Variants in IQCK observed in about 807,000 individuals in gnomAD.
The protein encoded by IQCK is IQ motif containing K.
A neutral mutation model predicts 28.1 loss-of-function variants in IQCK; 29 were observed. The ratio of observed to expected loss-of-function variants is 1.03; its 90% CI spans 0.77 to 1.41. The LOEUF (loss-of-function observed/expected upper bound fraction) is 1.41. Among genes scored for constraint, IQCK ranks in the 40% most tolerant of loss-of-function variants. IQCK has a pLI of 0.00. For synonymous variants in IQCK, 113 were observed against 115.1 expected (o/e 0.98, Z 0.12); for missense variants, 359 against 314.7 (o/e 1.14, Z -1.07).
chr16:19,755,305 T>C, intron 4 of IQCK, among the ~76,000 whole-genome samples: 1 of 152,166 alleles, frequency 6.6e-6, no homozygotes, highest in Non-Finnish European at 1.5e-5. Flanking sequence ...GGAATATGGA[T>C]CAGGCCCTTG....
chr16:19,786,581 C>T (rs888512964), intron 6 of IQCK, among the ~76,000 whole-genome samples: 1 of 133,460 alleles, frequency 7.5e-6, no homozygotes, highest in Non-Finnish European at 1.5e-5. Flanking sequence ...CTCCTGTAGT[C>T]CCACTACTCA....
intron 6 of IQCK, among the ~76,000 whole-genome samples, chr16:19,785,062 C>T (rs1436155953): frequency 1.3e-5 from 2 of 152,184 alleles, no homozygotes; most frequent in African/African-American, 2.4e-5. Context: ...TGAGCCACGG[C>T]GCCCCGCCTC....
chr16:19,812,805 T>C (rs1265631918), intron 7 of IQCK, among the ~76,000 whole-genome samples: 1 of 152,160 alleles, frequency 6.6e-6, no homozygotes, highest in East Asian at 1.9e-4. Context: ...TATATAAATC[T>C]TGCTGAAAGA....
intron 4 of IQCK, among the ~76,000 whole-genome samples, chr16:19,749,991 A>G (rs564251856): frequency 1.3e-5 from 2 of 152,290 alleles, no homozygotes; most frequent in South Asian, 4.1e-4. Flanking sequence ...ATAGGGCCTC[A>G]TTCCACCTCT....
intron 1 of IQCK, among the ~76,000 whole-genome samples, chr16:19,729,586 T>G (rs140751148): frequency 6.6e-6 from 1 of 152,146 alleles, no homozygotes; most frequent in South Asian, 2.1e-4. Context: ...GACTCTTTCA[T>G]GTAAGAGACC....
chr16:19,718,363 T>C (rs771501722), exon 1 of IQCK: 5 of 1,609,882 alleles, frequency 3.1e-6, no homozygotes, highest in Non-Finnish European at 2.5e-6. Context: ...CCAGCTGCTC[T>C]ACAGACTCGT....
chr16:19,728,836 C>T (rs1977740269), intron 1 of IQCK, among the ~76,000 whole-genome samples: 2 of 152,188 alleles, frequency 1.3e-5, no homozygotes, highest in Admixed American at 1.3e-4. Flanking sequence ...TTCTTGTCCC[C>T]AGCCTGATGC....
intron 7 of IQCK, among the ~76,000 whole-genome samples, chr16:19,798,424 ATATATATAT>A (rs2055717216): frequency 8.6e-6 from 1 of 115,728 alleles, no homozygotes; most frequent in Non-Finnish European, 1.5e-5. Context: ...CACAAAAAAT[ATATATATAT>A]ATATATATAT....
At chr16:19,736,031 A>T (rs1483468828) in intron 4 of IQCK, 2 of 447,464 alleles carry the variant, frequency 4.5e-6, no homozygotes, top group Non-Finnish European at 8.9e-6. Context: ...ACGTCACTGC[A>T]CTCCAGCCTG....
At chr16:19,722,784 T>C (rs1230996149) in intron 1 of IQCK, among the ~76,000 whole-genome samples, 2 of 151,904 alleles carry the variant, frequency 1.3e-5, no homozygotes, top group East Asian at 1.9e-4. Flanking sequence ...AGGTGCGATA[T>C]CTGCTTACTT....
At chr16:19,821,438 G>A (rs1362882695) in intron 7 of IQCK, among the ~76,000 whole-genome samples, 1 of 152,052 alleles carries the variant, frequency 6.6e-6, no homozygotes, top group Non-Finnish European at 1.5e-5. Context: ...ACAAAAACTC[G>A]CCTGTAATCC....
At position 19,747,428 on chromosome 16, in the gene IQCK, C is replaced by T. The variant is rs539364955; in HGVS notation, c.474+11978C>T. ...GAACTGACATAGTGTCACTTTCACA[C>T]GTTAGATTGGCCAAAGCAAGTCACA... On this transcript the variant is annotated intron_variant, in intron 4 of 7. Transcript: ENST00000564186. Among the ~76,000 whole-genome samples the T allele has an allele frequency of 1.4e-4, 22 of 151,882 alleles. No individual in the cohort carries two copies. In the South Asian group the frequency reaches 2.7e-3, roughly 19 times the overall value.
intron 6 of IQCK, among the ~76,000 whole-genome samples, chr16:19,769,676 C>T (rs1345653294): frequency 6.6e-6 from 1 of 152,120 alleles, no homozygotes; most frequent in African/African-American, 2.4e-5. Flanking sequence ...GGGCATTATT[C>T]CATAAGCAAG....
chr16:19,770,772 G>A (rs763332388), intron 6 of IQCK, among the ~76,000 whole-genome samples: 1 of 152,064 alleles, frequency 6.6e-6, no homozygotes, highest in African/African-American at 2.4e-5. Flanking sequence ...ACAGGCATGC[G>A]CCACCATGCC....
intron 7 of IQCK, among the ~76,000 whole-genome samples, chr16:19,801,025 T>A (rs1031216208): frequency 3.7e-5 from 5 of 136,002 alleles, no homozygotes; most frequent in African/African-American, 3.5e-5. Context: ...GCAAAAAAAA[T>A]TTGAAACACT....
rs1217572063 is a variant in IQCK, at chr16:19,825,533, AT to A, written c.691-1492del. Among the ~76,000 whole-genome samples the A allele has an allele frequency of 6.6e-6, 1 of 151,856 alleles. No individual in the cohort carries two copies. The highest frequency in any genetic ancestry group is 1.5e-5 in the Non-Finnish European group (1 of 67,968). ...GAAACTCCATCTCAAAAAAAAAAAAATGTAAAATATTTGGCCAGGCACAGTG... is the reference window on the plus strand; with the variant it reads ...GAAACTCCATCTCAAAAAAAAAAAAAGTAAAATATTTGGCCAGGCACAGTG... On this transcript the variant is annotated intron_variant, in intron 7 of 7. Transcript: ENST00000564186. The surrounding 1 kb of genome is among the most constrained non-coding windows in gnomAD (Gnocchi z 4.2).
intron 6 of IQCK, among the ~76,000 whole-genome samples, chr16:19,766,389 G>T (rs2151713438): frequency 6.6e-6 from 1 of 152,346 alleles, no homozygotes; most frequent in African/African-American, 2.4e-5. Flanking sequence ...TGCCCTTCCT[G>T]GTGGGCCTGG....
intron 7 of IQCK, among the ~76,000 whole-genome samples, chr16:19,809,218 C>T (rs1392455564): frequency 1.3e-5 from 2 of 152,196 alleles, no homozygotes; most frequent in African/African-American, 2.4e-5. Context: ...GGGTAAATTG[C>T]GCAGCTGCAA....
chr16:19,738,248 A>G (rs1485106971), intron 4 of IQCK, among the ~76,000 whole-genome samples: 1 of 152,162 alleles, frequency 6.6e-6, no homozygotes, highest in Non-Finnish European at 1.5e-5. Flanking sequence ...CACTATTACT[A>G]TGTCTTTGAC....
Sources: gnomAD v4.1 joint callset for allele counts (sites outside exome capture counted in the v4.1 genomes callset) on GRCh38, gnomAD v4.1.1 for gene constraint, Gnocchi (gnomAD v3.1) non-coding constraint, MANE v1.5 for transcripts, NCBI Gene and HGNC (gene_info 2026-07-23, HGNC 2026-07-21) for gene names.